The following KALRN variants were observed in gnomAD, a reference collection of about 807,000 sequenced individuals.
KALRN encodes the protein kalirin RhoGEF kinase, also known as kalirin.
A neutral mutation model predicts 353.7 loss-of-function variants in KALRN; 70 were observed. That is an observed-to-expected ratio of 0.20 (90% CI 0.16 to 0.24). KALRN has a LOEUF of 0.24. Among genes scored for constraint, KALRN ranks in the 10% least tolerant of loss-of-function variants. KALRN has a pLI of 1.00. For missense variants in KALRN, 2,791 were observed against 3,756.7 expected (o/e 0.74, Z 6.72); for synonymous variants, 1,391 against 1,434.8 (o/e 0.97, Z 0.69).
intron 1 of KALRN, among the ~76,000 whole-genome samples, chr3:124,045,218 T>G (rs1231978098): frequency 6.6e-6 from 1 of 152,026 alleles, no homozygotes. Flanking sequence ...GGGATTCTTG[T>G]GTCTGACTAC....
intron 34 of KALRN, among the ~76,000 whole-genome samples, chr3:124,625,584 G>C (rs984355159): frequency 1.3e-5 from 2 of 151,914 alleles, no homozygotes; most frequent in African/African-American, 2.4e-5. Context: ...AAAAGTACTG[G>C]TCCAAAATAG....
chr3:124,641,461 C>A (rs1449932125), intron 37 of KALRN, among the ~76,000 whole-genome samples: 1 of 152,196 alleles, frequency 6.6e-6, no homozygotes, highest in African/African-American at 2.4e-5. Flanking sequence ...TGGACTGTTG[C>A]TGCTGGCAGT....
At chr3:124,504,904 T>A (rs373179543) in intron 33 of KALRN, 5 of 507,048 alleles carry the variant, frequency 9.9e-6, no homozygotes, top group Non-Finnish European at 2.0e-5. Context: ...CAAGCCAAGA[T>A]GTTAAAGTGG....
chr3:124,401,579 G>A (rs561352723), intron 13 of KALRN, among the ~76,000 whole-genome samples: 103 of 152,190 alleles, frequency 6.8e-4, no homozygotes, highest in African/African-American at 2.2e-3. Flanking sequence ...AAAATTCCTC[G>A]TCCCACCCTA....
intron 14 of KALRN, among the ~76,000 whole-genome samples, chr3:124,422,127 C>T (rs990270693): frequency 1.3e-5 from 2 of 152,164 alleles, no homozygotes; most frequent in African/African-American, 4.8e-5. Context: ...TGGATAAGCA[C>T]TCATTATCCC....
intron 14 of KALRN, among the ~76,000 whole-genome samples, chr3:124,414,371 C>T (rs1174596325): frequency 6.6e-6 from 1 of 152,162 alleles, no homozygotes; most frequent in Non-Finnish European, 1.5e-5. Flanking sequence ...ATTCTCCAGC[C>T]CTATCCTCTA....
chr3:124,403,674 T>C (rs1300494460), intron 13 of KALRN, among the ~76,000 whole-genome samples: 2 of 152,196 alleles, frequency 1.3e-5, no homozygotes. Flanking sequence ...AACTCTTCAA[T>C]TAGTTGCACA....
In KALRN at chr3:124,496,341, G is replaced by A. The variant is rs1439371013; in HGVS notation, c.4863G>A (p.Gly1621=). The change falls in exon 33 of 60, where the codon GGG becomes GGA. Residue 1621 remains glycine (G), a synonymous_variant. Transcript: ENST00000682506. ...GAGTGGAGGATATTGACAGCCAGGG[G>A]GATGGGAGCAGCCAACCAGACACCA... is the stretch of plus-strand genomic sequence containing the variant. The part of the protein sequence containing the change: ...RDGVEDIDSQ[G]DGSSQPDTIS... 1.2e-6 allele frequency: 2 copies of A among 1,613,392 alleles called. No individual in the cohort carries two copies. Among genetic ancestry groups the A allele is most frequent in the South Asian group, 1.1e-5 (1 of 91,030 alleles).
At chr3:124,492,914 G>A in intron 32 of KALRN, 32 bp downstream of exon 32, 1 of 1,605,518 alleles carries the variant, frequency 6.2e-7, no homozygotes, top group South Asian at 1.1e-5. Flanking sequence ...AGCACTGCCT[G>A]CCTCACAGGC....
At chr3:124,188,708 AC>A (rs1010895205) in intron 1 of KALRN, among the ~76,000 whole-genome samples, 2 of 152,148 alleles carry the variant, frequency 1.3e-5, no homozygotes, top group Non-Finnish European at 2.9e-5. Flanking sequence ...TCTGAGATTT[AC>A]CCTACCTGCT....
chr3:124,700,711 G>C (rs779882293), intron 56 of KALRN, among the ~76,000 whole-genome samples: 10 of 152,162 alleles, frequency 6.6e-5, no homozygotes, highest in Non-Finnish European at 1.2e-4. Flanking sequence ...GGAGTGGTCT[G>C]TGTGTACTGG....
chr3:124,238,982 C>A (rs181529934), intron 3 of KALRN, among the ~76,000 whole-genome samples: 1 of 152,302 alleles, frequency 6.6e-6, no homozygotes, highest in African/African-American at 2.4e-5. Flanking sequence ...ATAACTCCAT[C>A]CACTCAGTTC....
chr3:124,399,276 T>C (rs1189949824), intron 13 of KALRN, among the ~76,000 whole-genome samples: 1 of 152,102 alleles, frequency 6.6e-6, no homozygotes, highest in African/African-American at 2.4e-5. Flanking sequence ...ATAGCTGGGA[T>C]TACAGGCATG....
intron 1 of KALRN, among the ~76,000 whole-genome samples, chr3:124,060,687 G>A (rs2041926237): frequency 6.6e-6 from 1 of 152,246 alleles, no homozygotes; most frequent in Admixed American, 6.5e-5. Flanking sequence ...TGCAAGCACA[G>A]GGAAGTGCTA....
intron 41 of KALRN, 69 bp from the exon 42 acceptor site, chr3:124,658,362 C>T (rs900976571): frequency 1.0e-5 from 12 of 1,192,470 alleles, no homozygotes; most frequent in African/African-American, 7.5e-5. Context: ...GAGGCCAGCA[C>T]GGCACTCTGA....
rs961834888 is a variant in KALRN, at chr3:124,666,564, T to C, written c.6461T>C (p.Ile2154Thr). Residue 2154 changes from isoleucine to threonine, a missense_variant, in exon 46 of 60, where the codon ATT becomes ACT. Physicochemically the swap from Ile to Thr is moderately conservative, Grantham distance 89. Around this residue, in one of 11 missense-constraint regions of KALRN, gnomAD observed 1,065 missense variants for 1,156.4 expected, o/e 0.92. Coordinates refer to ENST00000682506, the MANE Select transcript of KALRN (RefSeq NM_001388419.1). ...AGGCGCGTGTTCCTCTTCGAGCAGA[T>C]TGTCATCTTCAGTGAACTGCTCAGG... ...KERRVFLFEQ[I>T]VIFSELLRKG... 4.3e-6 allele frequency: 7 copies of C among 1,613,934 alleles called. No homozygotes were observed. Among genetic ancestry groups the C allele is most frequent in the African/African-American group, 4.0e-5 (3 of 74,894 alleles).
intron 33 of KALRN, among the ~76,000 whole-genome samples, chr3:124,543,623 C>T (rs2069302263): frequency 6.6e-6 from 1 of 151,958 alleles, no homozygotes; most frequent in Non-Finnish European, 1.5e-5. Flanking sequence ...TTTCAAAACA[C>T]CACAGGTTTC....
Position 124,713,040 on chromosome 3 carries a change from C to T in KALRN, c.8181C>T (p.His2727=), listed in dbSNP as rs376504829. The stretch of plus-strand genomic sequence containing the variant: ...TGAAGAAGAAAGAACAGGCTGCCCA[C>T]GAGGCTGCCCTGCTTCAGCACCTAC... The part of the protein sequence containing the change: ...KKMKKKEQAA[H]EAALLQHLQH... Residue 2727 remains histidine, a synonymous_variant, in exon 58 of 60, where the codon CAC becomes CAT. Coordinates refer to ENST00000682506, the MANE Select transcript of KALRN (RefSeq NM_001388419.1). The T allele has an allele frequency of 4.3e-5, 69 of 1,613,886 alleles. No homozygotes were observed. Among genetic ancestry groups the T allele is most frequent in the African/African-American group, 1.1e-4 (8 of 74,912 alleles).
intron 2 of KALRN, among the ~76,000 whole-genome samples, chr3:124,234,171 G>T (rs1483026033): frequency 6.6e-6 from 1 of 152,218 alleles, no homozygotes; most frequent in Non-Finnish European, 1.5e-5. Flanking sequence ...CATTTGCAGT[G>T]ATTAAGACCT....
Sources: allele counts gnomAD v4.1 joint callset (sites outside exome capture counted in the v4.1 genomes callset), GRCh38; gene constraint gnomAD v4.1.1; regional missense constraint gnomAD v4.1.1; transcripts MANE v1.5; gene names NCBI Gene and HGNC (gene_info 2026-07-23, HGNC 2026-07-21).